The following ZFPM2 variants were observed in gnomAD, a reference collection of about 807,000 sequenced individuals.
ZFPM2 encodes the protein zinc finger protein, FOG family member 2.
A neutral mutation model predicts 98.6 loss-of-function variants in ZFPM2; 20 were observed. That is an observed-to-expected ratio of 0.20 (90% confidence interval 0.14 to 0.29). The LOEUF (loss-of-function observed/expected upper bound fraction) is 0.29. Ranked by LOEUF, ZFPM2 falls within the 10% of genes least tolerant of loss-of-function variation. The pLI, the probability that ZFPM2 is intolerant of heterozygous loss-of-function variation, is 1.00. For synonymous variants in ZFPM2, 518 were observed against 502.7 expected (o/e 1.03, Z -0.41); for missense variants, 1,310 against 1,388.6 (o/e 0.94, Z 0.90).
intron 3 of ZFPM2, among the ~76,000 whole-genome samples, chr8:105,449,325 C>A (rs1563664416): frequency 6.6e-6 from 1 of 152,010 alleles, no homozygotes; most frequent in African/African-American, 2.4e-5. Context: ...CCCACAATAA[C>A]ATGTGTTAAT....
At position 105,803,718 on chromosome 8, in the gene ZFPM2, C is replaced by T; in HGVS notation, c.*180C>T. On this transcript the variant is annotated 3_prime_UTR_variant, in exon 8 of 8. Transcript: ENST00000407775. ...CCATTAGTAAAGTGTATTATTGGTG[C>T]CATTTTCAAAAAAATTAATTTATTT... The T allele has an allele frequency of 3.4e-6, 2 of 588,278 alleles. No homozygotes were observed. The highest frequency in any genetic ancestry group is 2.5e-5 in the South Asian group (1 of 39,274). The allele number at this position is 588,278 out of a possible 1,614,324, so 36.4% of individuals were successfully genotyped here.
At chr8:105,632,015 A>G (rs910357338) in intron 4 of ZFPM2, among the ~76,000 whole-genome samples, 2 of 152,196 alleles carry the variant, frequency 1.3e-5, no homozygotes, top group Admixed American at 6.5e-5. Flanking sequence ...GAAATCGATT[A>G]TGTAAAATCA....
chr8:105,596,801 A>G (rs1185692944), intron 4 of ZFPM2, among the ~76,000 whole-genome samples: 1 of 139,880 alleles, frequency 7.1e-6, no homozygotes. Flanking sequence ...GATAGAGCAG[A>G]TAGGGAAAGA....
intron 5 of ZFPM2, among the ~76,000 whole-genome samples, chr8:105,752,589 T>C (rs970530495): frequency 5.3e-5 from 8 of 152,180 alleles, no homozygotes; most frequent in African/African-American, 1.9e-4. Context: ...TAGTGTTTCG[T>C]TCATAATTTA....
chr8:105,393,337 C>CCTTTCCTTCTTT (rs1811150493), intron 1 of ZFPM2, among the ~76,000 whole-genome samples: 1 of 114,776 alleles, frequency 8.7e-6, no homozygotes, highest in Non-Finnish European at 1.8e-5. Context: ...TCTCTCTTTG[C>CCTTTCCTTCTTT]CTTTCTTTCT....
chr8:105,526,807 G>A (rs1293149265), intron 3 of ZFPM2, among the ~76,000 whole-genome samples: 1 of 152,082 alleles, frequency 6.6e-6, no homozygotes, highest in African/African-American at 2.4e-5. Context: ...TCCAAGTTGG[G>A]GTACAGGGAA....
At chr8:105,456,168 GT>G (rs1215254515) in intron 3 of ZFPM2, among the ~76,000 whole-genome samples, 3 of 133,718 alleles carry the variant, frequency 2.2e-5, no homozygotes, top group Non-Finnish European at 3.1e-5. Flanking sequence ...TTGTTTGTTT[GT>G]TTTTTTTTTA....
chr8:105,737,872 A>T (rs141350046), intron 5 of ZFPM2: 81 of 152,026 alleles, frequency 5.3e-4, no homozygotes, highest in African/African-American at 1.9e-3. Context: ...TTCAATGTTA[A>T]TTTTTTCTTC....
intron 4 of ZFPM2, among the ~76,000 whole-genome samples, chr8:105,594,384 T>C (rs1815918009): frequency 6.6e-6 from 1 of 152,172 alleles, no homozygotes; most frequent in Non-Finnish European, 1.5e-5. Flanking sequence ...ACTTTTAATA[T>C]GGTAGCACTG....
At chr8:105,523,681 G>A (rs1192102371) in intron 3 of ZFPM2, among the ~76,000 whole-genome samples, 1 of 152,138 alleles carries the variant, frequency 6.6e-6, no homozygotes, top group East Asian at 1.9e-4. Flanking sequence ...TTACTATGTT[G>A]GTGAAATTCT....
At chr8:105,729,082 T>A (rs1251666042) in intron 5 of ZFPM2, among the ~76,000 whole-genome samples, 6 of 151,772 alleles carry the variant, frequency 4.0e-5, no homozygotes, top group Non-Finnish European at 8.8e-5. Flanking sequence ...TTCAATTATA[T>A]TTCAAAGTGT....
chr8:105,507,164 G>T (rs1813720275), intron 3 of ZFPM2, among the ~76,000 whole-genome samples: 2 of 152,096 alleles, frequency 1.3e-5, no homozygotes, highest in Admixed American at 6.5e-5. Flanking sequence ...TTAACCTAAA[G>T]ATCCTGAATA....
chr8:105,767,037 C>T (rs1454702354), intron 5 of ZFPM2, among the ~76,000 whole-genome samples: 1 of 151,812 alleles, frequency 6.6e-6, no homozygotes, highest in African/African-American at 2.4e-5. Context: ...TCTATTGCTA[C>T]AACAGAGTAA....
chr8:105,597,866 A>G (rs1816003779), intron 4 of ZFPM2, among the ~76,000 whole-genome samples: 1 of 152,046 alleles, frequency 6.6e-6, no homozygotes, highest in African/African-American at 2.4e-5. Flanking sequence ...ACTACATTAT[A>G]TAGGACTATT....
chr8:105,366,669 C>A (rs13251332), intron 1 of ZFPM2, among the ~76,000 whole-genome samples: 2 of 115,000 alleles, frequency 1.7e-5, no homozygotes, highest in Admixed American at 1.0e-4. Flanking sequence ...TCCCTCCCCC[C>A]TCCCCCCACC....
At chr8:105,449,840 A>G (rs1387040027) in intron 3 of ZFPM2, among the ~76,000 whole-genome samples, 1 of 152,096 alleles carries the variant, frequency 6.6e-6, no homozygotes, top group African/African-American at 2.4e-5. Context: ...TACTCTTAAT[A>G]TTACTTTTAC....
chr8:105,801,294 T>C lies in ZFPM2; in HGVS notation c.1212T>C (p.Thr404=), dbSNP rs755332160. ...ESDMEHSPSA[T]EDSLQPATDL... is the part of the protein sequence containing the mutation. ...ACATGGAACACTCTCCAAGTGCAAC[T>C]GAAGACAGCTTACAGCCAGCCACAG... Residue 404 remains threonine (T), a synonymous_variant, in exon 8 of 8, where the codon ACT becomes ACC. Transcript: ENST00000407775. 4 of 1,613,894 alleles carry C rather than the reference T, an allele frequency of 2.5e-6. No homozygotes were observed. The highest frequency in any genetic ancestry group is 3.4e-6 in the Non-Finnish European group (4 of 1,179,862).
At chr8:105,346,183 C>T (rs1032794085) in intron 1 of ZFPM2, among the ~76,000 whole-genome samples, 44 of 152,000 alleles carry the variant, frequency 2.9e-4, no homozygotes, top group Admixed American at 2.8e-3. Flanking sequence ...TTCAGGAGTT[C>T]GAGAGCAGCC....
At chr8:105,769,422 T>C (rs544297695) in intron 5 of ZFPM2, among the ~76,000 whole-genome samples, 41 of 152,170 alleles carry the variant, frequency 2.7e-4, no homozygotes, top group African/African-American at 9.6e-4. Flanking sequence ...CTTCCTACTA[T>C]GGGATACTTC....
Sources: gnomAD v4.1 joint callset for allele counts (sites outside exome capture counted in the v4.1 genomes callset) on GRCh38, gnomAD v4.1.1 for gene constraint, MANE v1.5 for transcripts, NCBI Gene and HGNC (gene_info 2026-07-23, HGNC 2026-07-21) for gene names.